CAMLG: variants seen among roughly 807,000 people sequenced by gnomAD.
CAMLG encodes guided entry of tail-anchored proteins factor CAMLG.
A neutral mutation model predicts 28.9 loss-of-function variants in CAMLG; 23 were observed. The observed-to-expected ratio is 0.80, with a 90% CI of 0.57 to 1.13. The LOEUF (loss-of-function observed/expected upper bound fraction) is 1.13, where lower values mean the gene tolerates loss of function less well. Among genes scored for constraint, CAMLG ranks in the 50% most tolerant of loss-of-function variants. The probability of loss-of-function intolerance (pLI) is 0.00; values close to 1 mark genes in which losing one functional copy is unlikely to be tolerated. For missense variants in CAMLG, 367 were observed against 371.9 expected, an observed-to-expected ratio of 0.99 and a Z score of 0.11; for synonymous variants, 141 against 146.5, an observed-to-expected ratio of 0.96 and a Z score of 0.27.
chr5:134,744,369 C>G (rs183265969), intron 3 of CAMLG, among the ~76,000 whole-genome samples: 15 of 152,046 alleles, frequency 9.9e-5, no homozygotes, highest in African/African-American at 3.6e-4. Context: ...GCTAAAAATA[C>G]AAAAATTAGC....
At chr5:134,740,937 G>A in intron 1 of CAMLG, 126 bp from the exon 2 acceptor site, 1 of 674,284 alleles carries the variant, frequency 1.5e-6, no homozygotes, top group Non-Finnish European at 2.5e-6. Context: ...TGCAGAATCG[G>A]TATTTATTTA....
chr5:134,747,065 G>A (rs769462631), intron 3 of CAMLG, among the ~76,000 whole-genome samples: 4 of 152,006 alleles, frequency 2.6e-5, no homozygotes, highest in Admixed American at 6.6e-5. Context: ...CAGCCTGGGC[G>A]ACAGAGCAAG....
intron 2 of CAMLG, among the ~76,000 whole-genome samples, 193 bp from the exon 3 acceptor site, chr5:134,743,794 A>G (rs1753012824): frequency 6.6e-6 from 1 of 151,922 alleles, no homozygotes; most frequent in African/African-American, 2.4e-5. Flanking sequence ...TGAATCTGGG[A>G]GGTGGATGTT....
At position 134,741,184 on chromosome 5, in the gene CAMLG, GC is replaced by G; in HGVS notation, c.295del (p.Gln99ArgfsTer7). ...CAGTCAGTACAGGAACAACTGACCA[GC>G]AGGGTGGTGTGGCCGAGGTAAAGGG... Reference protein sequence around the residue: ...DSVSTGTTDQQGGVAEVKGTQ... With the variant: ...DSVSTGTTDQXGGVAEVKGTQ... On this transcript the variant is annotated frameshift_variant, in exon 2 of 4. Coordinates refer to ENST00000297156, the MANE Select transcript of CAMLG (RefSeq NM_001745.4). LOFTEE classifies it high-confidence loss of function. 6.2e-7 allele frequency: 1 copy of G among 1,614,144 alleles called. No individual in the cohort carries two copies.
rs193150094 is a variant in CAMLG, at chr5:134,741,504, C to G, written c.614C>G (p.Ala205Gly). 3.2e-5 allele frequency: 52 copies of G among 1,601,838 alleles called. No individual in the cohort carries two copies. Among genetic ancestry groups the G allele is most frequent in the Non-Finnish European group, 3.3e-5 (39 of 1,171,996 alleles). Residue 205 changes from alanine to glycine, a missense_variant, in exon 2 of 4, where the codon GCT (alanine) becomes GGT (glycine). By Grantham distance (60) the Ala-to-Gly change is moderately conservative. Coordinates refer to ENST00000297156, the MANE Select transcript of CAMLG (RefSeq NM_001745.4). ...GCTCTTCTTGCTCTTGGAGTCAGAG[C>G]TTTTGTTTGCAAATACTTGGTAAGA... ...GCALLALGVR[A>G]FVCKYLSIFA... is the part of the protein sequence containing the mutation.
chr5:134,741,188 G>A lies in CAMLG; in HGVS notation c.298G>A (p.Gly100Ser), dbSNP rs11552197. 1.1e-3 allele frequency: 1,779 copies of A among 1,614,158 alleles called. 28 individuals carry two copies. The East Asian group carries it at 0.031, about 28-fold the overall frequency. ...SVSTGTTDQQGGVAEVKGTQL... is the reference protein window; with the variant it reads ...SVSTGTTDQQSGVAEVKGTQL... The stretch of plus-strand genomic sequence containing the variant: ...CAGTACAGGAACAACTGACCAGCAG[G>A]GTGGTGTGGCCGAGGTAAAGGGGAC... Residue 100 changes from glycine to serine, a missense_variant, in exon 2 of 4, where the codon GGT becomes AGT. Transcript: ENST00000297156.
chr5:134,739,538 A>G (rs1385210133), intron 1 of CAMLG, among the ~76,000 whole-genome samples: 1 of 152,060 alleles, frequency 6.6e-6, no homozygotes, highest in Non-Finnish European at 1.5e-5. Flanking sequence ...ATGTCCAATG[A>G]TTTTCTTTAA....
rs193150094 is a variant in CAMLG, at chr5:134,741,504, C to T, written c.614C>T (p.Ala205Val). ...GCALLALGVR[A>V]FVCKYLSIFA... is the part of the protein sequence containing the mutation. The stretch of plus-strand genomic sequence containing the variant: ...GCTCTTCTTGCTCTTGGAGTCAGAG[C>T]TTTTGTTTGCAAATACTTGGTAAGA... The change falls in exon 2 of 4, where the codon GCT becomes GTT. Residue 205 changes from alanine (A) to valine (V), a missense_variant. Transcript: ENST00000297156. 1 of 1,601,838 alleles carries T rather than the reference C, an allele frequency of 6.2e-7. No individual in the cohort carries two copies. Among genetic ancestry groups the T allele is most frequent in the Non-Finnish European group, 8.5e-7 (1 of 1,171,996 alleles).
At chr5:134,738,891 A>T in intron 1 of CAMLG, 99 bp downstream of exon 1, 3 of 1,203,972 alleles carry the variant, frequency 2.5e-6, no homozygotes, top group Non-Finnish European at 3.6e-6. Context: ...CTTTTTGACC[A>T]AGCCTTGCTC....
Position 134,751,029 on chromosome 5 carries a change from A to C in CAMLG, c.*79A>C, listed in dbSNP as rs1196078813. The C allele has an allele frequency of 7.4e-6, 8 of 1,078,718 alleles. No individual in the cohort carries two copies. Among genetic ancestry groups the C allele is most frequent in the Non-Finnish European group, 1.1e-5 (8 of 743,178 alleles). The allele number at this position is 1,078,718 out of a possible 1,614,324, so 66.8% of individuals were successfully genotyped here. On this transcript the variant is annotated 3_prime_UTR_variant, in exon 4 of 4. Transcript: ENST00000297156. Reference sequence around the variant, plus strand: ...TATTGCAGTGTCTCTAAAGGAGGCAAATTGGTTTACACCTTCATGTAATTC... The same window carrying C: ...TATTGCAGTGTCTCTAAAGGAGGCACATTGGTTTACACCTTCATGTAATTC...
chr5:134,751,623 C>T lies in CAMLG; in HGVS notation c.*673C>T, dbSNP rs1753114192. 6.6e-6 allele frequency: 1 copy of T among 152,050 alleles called. No homozygotes were observed. Among genetic ancestry groups the T allele is most frequent in the South Asian group, 2.1e-4 (1 of 4,820 alleles). The allele number at this position is 152,050 out of a possible 1,614,324, so 9.4% of individuals were successfully genotyped here. On this transcript the variant is annotated 3_prime_UTR_variant, in exon 4 of 4. Coordinates refer to ENST00000297156, the MANE Select transcript of CAMLG (RefSeq NM_001745.4). ...GATGTGAAGAATTGAGGCATGCAAC[C>T]CAATAGCATAAATGTCCTTTTTCCC... is the stretch of plus-strand genomic sequence containing the variant.
intron 3 of CAMLG, among the ~76,000 whole-genome samples, chr5:134,750,412 C>T (rs910906456): frequency 2.0e-5 from 3 of 152,000 alleles, no homozygotes; most frequent in Non-Finnish European, 4.4e-5. Flanking sequence ...GTGGCAAGCA[C>T]CTGTAATCCC....
At chr5:134,739,906 C>G (rs1360615684) in intron 1 of CAMLG, among the ~76,000 whole-genome samples, 2 of 152,076 alleles carry the variant, frequency 1.3e-5, no homozygotes, top group Non-Finnish European at 2.9e-5. Context: ...GACAGGGTCT[C>G]CCTCTGTAGG....
Position 134,738,772 on chromosome 5 carries a change from A to T in CAMLG, c.152A>T (p.His51Leu). The T allele has an allele frequency of 6.2e-7, 1 of 1,613,978 alleles. No individual in the cohort carries two copies. The highest frequency in any genetic ancestry group is 1.3e-5 in the African/African-American group (1 of 75,018). The change falls in exon 1 of 4, where the codon CAC becomes CTC. Residue 51 changes from histidine (H) to leucine (L), a missense_variant. By Grantham distance (99) the His-to-Leu change is moderately conservative (BLOSUM62 -3). Coordinates refer to ENST00000297156, the MANE Select transcript of CAMLG (RefSeq NM_001745.4). ...CGCATCAACCGGATCATGGGCTTTC[A>T]CAGGCCCGGGAGCGGCGCGGGTAAG... ...EQRINRIMGF[H>L]RPGSGAEEES...
intron 2 of CAMLG, among the ~76,000 whole-genome samples, chr5:134,742,564 T>G (rs987413275): frequency 5.3e-5 from 8 of 152,194 alleles, no homozygotes; most frequent in Admixed American, 4.6e-4. Context: ...GAGTCCATTT[T>G]GGTTGTACCA....
At chr5:134,743,302 A>G (rs776251093) in intron 2 of CAMLG, among the ~76,000 whole-genome samples, 2 of 152,216 alleles carry the variant, frequency 1.3e-5, no homozygotes, top group African/African-American at 4.8e-5. Flanking sequence ...AATTTAAAAG[A>G]TAAGTTTTTA....
At chr5:134,749,471 A>G (rs1009644192) in intron 3 of CAMLG, among the ~76,000 whole-genome samples, 7 of 152,238 alleles carry the variant, frequency 4.6e-5, no homozygotes, top group African/African-American at 1.4e-4. Context: ...TGAGACTAGA[A>G]AATTAATAAG....
At chr5:134,739,894 G>C (rs1284789456) in intron 1 of CAMLG, among the ~76,000 whole-genome samples, 3 of 151,832 alleles carry the variant, frequency 2.0e-5, no homozygotes, top group African/African-American at 7.3e-5. Flanking sequence ...TTTATTTTTT[G>C]AGACAGGGTC....
At chr5:134,739,316 C>T (rs1752956480) in intron 1 of CAMLG, among the ~76,000 whole-genome samples, 1 of 152,124 alleles carries the variant, frequency 6.6e-6, no homozygotes, top group Non-Finnish European at 1.5e-5. Context: ...GACTCTTGTG[C>T]TCATATCCTA....
Sources: gnomAD v4.1 joint callset for allele counts (sites outside exome capture counted in the v4.1 genomes callset) on GRCh38, gnomAD v4.1.1 for gene constraint, MANE v1.5 for transcripts, NCBI Gene and HGNC (gene_info 2026-07-23, HGNC 2026-07-21) for gene names.